BCAN: variants seen among roughly 807,000 people sequenced by gnomAD.
BCAN encodes the protein brevican, also known as brevican core protein.
Under a neutral mutation model 92.4 loss-of-function variants are expected in BCAN, and 51 were observed. That is an observed-to-expected ratio of 0.55 (90% CI 0.44 to 0.70). BCAN has a LOEUF of 0.70. Among genes scored for constraint, BCAN ranks in the 30% least tolerant of loss-of-function variants. The pLI, the probability that BCAN is intolerant of heterozygous loss-of-function variation, is 0.00. For synonymous variants in BCAN, 501 were observed against 505.2 expected (o/e 0.99, Z 0.11); for missense variants, 1,140 against 1,212.1 (o/e 0.94, Z 0.88).
chr1:156,650,990 C>T (rs1679142558), intron 6 of BCAN, among the ~76,000 whole-genome samples: 1 of 152,126 alleles, frequency 6.6e-6, no homozygotes, highest in Non-Finnish European at 1.5e-5. Context: ...CACCTTGCCC[C>T]AAGCCCAAGA....
chr1:156,656,839 C>A (rs1454320126), intron 9 of BCAN, 99 bp from the exon 10 acceptor site: 1 of 1,505,258 alleles, frequency 6.6e-7, no homozygotes, highest in Admixed American at 2.0e-5. Context: ...TTAGTCCCGC[C>A]CCTCTCGGCC....
At position 156,647,530 on chromosome 1, in the gene BCAN, G is replaced by A; in HGVS notation, c.489G>A (p.Glu163=). 6.3e-7 allele frequency: 1 copy of A among 1,583,500 alleles called. No individual in the cohort carries two copies. The highest frequency in any genetic ancestry group is 8.6e-7 in the Non-Finnish European group (1 of 1,167,240). The change falls in exon 4 of 14, where the codon GAG becomes GAA. Residue 163 remains glutamate, a synonymous_variant. Transcript: ENST00000329117. This position sits in a 1 kb window ranked among gnomAD's most constrained non-coding sequence, Gnocchi z 4.8. ...CAGGGGTCGTCTTTCTCTACCGAGA[G>A]GGCTCTGCCCGCTATGCTTTCTCCT... ...KVKGVVFLYR[E]GSARYAFSFS...
chr1:156,657,867 T>C, intron 11 of BCAN, 110 bp downstream of exon 11: 1 of 954,434 alleles, frequency 1.0e-6, no homozygotes. Context: ...CCGGCCTCCT[T>C]CCCTTTCTCG....
At chr1:156,650,566 C>A (rs1357109902) in intron 6 of BCAN, among the ~76,000 whole-genome samples, 3 of 152,220 alleles carry the variant, frequency 2.0e-5, no homozygotes, top group Admixed American at 1.3e-4. Flanking sequence ...ACTTGCCCCA[C>A]CACTGAGATC....
At chr1:156,656,797 A>G in intron 9 of BCAN, 141 bp from the exon 10 acceptor site, 3 of 1,170,444 alleles carry the variant, frequency 2.6e-6, no homozygotes, top group Non-Finnish European at 3.6e-6. Flanking sequence ...CTCATTCTCT[A>G]CTAGCTCTTT....
Position 156,646,946 on chromosome 1 carries a change from G to T in BCAN, c.237G>T (p.Trp79Cys). The T allele has an allele frequency of 6.2e-7, 1 of 1,612,820 alleles. No individual in the cohort carries two copies. Among genetic ancestry groups the T allele is most frequent in the Non-Finnish European group, 8.5e-7 (1 of 1,179,618 alleles). ...RAVLGSPRVK[W>C]TFLSRGREAE... Reference sequence around the variant, plus strand: ...TGCTGGGCTCTCCGCGGGTCAAGTGGACTTTCCTGTCCCGGGGCCGGGAGG... The same window carrying T: ...TGCTGGGCTCTCCGCGGGTCAAGTGTACTTTCCTGTCCCGGGGCCGGGAGG... The change falls in exon 3 of 14, where the codon TGG becomes TGT. Residue 79 changes from tryptophan (W) to cysteine (C), a missense_variant. This residue lies in a region of BCAN where 286 missense variants were observed against 284.1 expected (regional missense o/e 1.01). Coordinates refer to ENST00000329117, the MANE Select transcript of BCAN (RefSeq NM_021948.5).
At chr1:156,656,183 G>T (rs1045247160) in intron 8 of BCAN, 99 bp from the exon 9 acceptor site, 1 of 748,110 alleles carries the variant, frequency 1.3e-6, no homozygotes. Context: ...AGGACAGAGA[G>T]ACCAGGGCTG....
At chr1:156,654,342 C>T (rs2102569064) in intron 8 of BCAN, among the ~76,000 whole-genome samples, 2 of 152,290 alleles carry the variant, frequency 1.3e-5, no homozygotes, top group South Asian at 4.1e-4. Flanking sequence ...TGTTAGGTCC[C>T]TGCACAACTG....
Position 156,646,834 on chromosome 1 carries a change from A to G in BCAN, c.125A>G (p.Asp42Gly). The change falls in exon 3 of 14, where the codon GAC becomes GGC. Residue 42 changes from aspartate to glycine, a missense_variant. By Grantham distance (94) the Asp-to-Gly change is moderately conservative (BLOSUM62 -1). Around this residue, in one of 3 missense-constraint regions of BCAN, gnomAD observed 286 missense variants for 284.1 expected, o/e 1.01. Coordinates refer to ENST00000329117, the MANE Select transcript of BCAN (RefSeq NM_021948.5). The part of the protein sequence containing the change: ...DRAFRVRIAG[D>G]APLQGVLGGA... ...GCTTTTCGCGTGCGCATCGCGGGCG[A>G]CGCGCCACTGCAGGGCGTGCTCGGC... The G allele has an allele frequency of 1.3e-6, 2 of 1,582,336 alleles. No individual in the cohort carries two copies. The highest frequency in any genetic ancestry group is 1.7e-6 in the Non-Finnish European group (2 of 1,165,702).
At chr1:156,651,376 G>A in intron 6 of BCAN, 80 bp from the exon 7 acceptor site, 1 of 1,283,074 alleles carries the variant, frequency 7.8e-7, no homozygotes. Flanking sequence ...AGAATTGAGA[G>A]AATTCCATGG....
Position 156,643,764 on chromosome 1 carries a change from T to C in BCAN, c.-9+1489T>C, listed in dbSNP as rs572588256. The stretch of plus-strand genomic sequence containing the variant: ...ATGATGTGACAAGAGGAAAGTTTCC[T>C]GAACAGCTCAAGAAATTCAAAACAA... On this transcript the variant is annotated intron_variant, in intron 1 of 13. Coordinates refer to ENST00000329117, the MANE Select transcript of BCAN (RefSeq NM_021948.5). The C allele has an allele frequency of 5.3e-5, 8 of 152,248 alleles. No homozygotes were observed. The East Asian group carries it at 1.5e-3, about 29-fold the overall frequency. The allele number at this position is 152,248 out of a possible 1,614,324, so 9.4% of individuals were successfully genotyped here.
Position 156,658,291 on chromosome 1 carries a change from G to C in BCAN, c.2437+20G>C, listed in dbSNP as rs1679407717. 6.2e-7 allele frequency: 1 copy of C among 1,612,012 alleles called. No individual in the cohort carries two copies. The highest frequency in any genetic ancestry group is 2.2e-5 in the East Asian group (1 of 44,868). ...GGCTGGGTGAGGGCAGGCAAAGGAG[G>C]GTCCCAGCAAGGAAGTGGAGGGGTG... is the stretch of plus-strand genomic sequence containing the variant. On this transcript the variant is annotated intron_variant, in intron 12 of 13. Transcript: ENST00000329117. The surrounding 1 kb of genome is among the most constrained non-coding windows in gnomAD (Gnocchi z 4.4).
At chr1:156,651,712 A>T in intron 7 of BCAN, 23 bp downstream of exon 7, 4 of 1,571,802 alleles carry the variant, frequency 2.5e-6, no homozygotes, top group Non-Finnish European at 2.6e-6. Flanking sequence ...CCTTATCCTA[A>T]GGATGTCTTG....
intron 8 of BCAN, among the ~76,000 whole-genome samples, chr1:156,654,697 G>A (rs1679279417): frequency 1.3e-5 from 2 of 152,192 alleles, no homozygotes; most frequent in Admixed American, 6.5e-5. Context: ...GGGTTGAATG[G>A]GAAGGAGCAG....
rs1453627893 is a variant in BCAN, at chr1:156,658,529, G to T, written c.2438-14G>T. On this transcript the variant is annotated splice_polypyrimidine_tract_variant and intron_variant, in intron 12 of 13. Transcript: ENST00000329117. This position sits in a 1 kb window ranked among gnomAD's most constrained non-coding sequence, Gnocchi z 4.4. The stretch of plus-strand genomic sequence containing the variant: ...ACAGAGCCAGGCTCAGTTCCTAACT[G>T]TCTTCCTTTGCAGTGTCCTGTGGGC... The T allele has an allele frequency of 1.9e-6, 3 of 1,608,274 alleles. No individual in the cohort carries two copies. The South Asian group carries it at 3.3e-5, about 18-fold the overall frequency.
In BCAN at chr1:156,659,099, T is replaced by C; in HGVS notation, c.2701T>C (p.Leu901=). 1 of 1,592,214 alleles carries C rather than the reference T, an allele frequency of 6.3e-7. No individual in the cohort carries two copies. The highest frequency in any genetic ancestry group is 8.5e-7 in the Non-Finnish European group (1 of 1,171,004). Residue 901 remains leucine (L), a synonymous_variant, in exon 14 of 14, where the codon TTG becomes CTG. Coordinates refer to ENST00000329117, the MANE Select transcript of BCAN (RefSeq NM_021948.5). ...GRLLGRWKAL[L]IPPSSPMPGP ...GCTACTGGGACGCTGGAAGGCGCTG[T>C]TGATCCCCCCTTCCAGCCCCATGCC...
In BCAN at chr1:156,648,833, C is replaced by G. The variant is rs1301089008; in HGVS notation, c.1035C>G (p.His345Gln). ...FPNQTGFPNK[H>Q]SRFNVYCFRD... ...ACCAGACTGGCTTCCCCAATAAGCA[C>G]AGCCGCTTCAACGTCTACTGCTTCC... The change falls in exon 6 of 14, where the codon CAC (histidine) becomes CAG (glutamine). Residue 345 changes from histidine (H) to glutamine (Q), a missense_variant. His to Gln is a conservative substitution (Grantham distance 24). Coordinates refer to ENST00000329117, the MANE Select transcript of BCAN (RefSeq NM_021948.5). 1 of 1,577,856 alleles carries G rather than the reference C, an allele frequency of 6.3e-7. No individual in the cohort carries two copies. The highest frequency in any genetic ancestry group is 1.3e-5 in the African/African-American group (1 of 74,378).
intron 8 of BCAN, 27 bp from the exon 9 acceptor site, chr1:156,656,255 C>T (rs769572226): frequency 6.9e-6 from 10 of 1,439,164 alleles, no homozygotes; most frequent in Non-Finnish European, 9.1e-6. Context: ...CCTCGCTCCC[C>T]CCGCCTCACT....
At chr1:156,651,823 G>C in intron 7 of BCAN, 134 bp downstream of exon 7, 1 of 809,170 alleles carries the variant, frequency 1.2e-6, no homozygotes, top group Non-Finnish European at 1.9e-6. Context: ...CAGGGGTGCA[G>C]GGCACCTTTC....
Sources: gnomAD v4.1 joint callset for allele counts (sites outside exome capture counted in the v4.1 genomes callset) on GRCh38, gnomAD v4.1.1 for gene constraint, gnomAD v4.1.1 regional missense constraint, Gnocchi (gnomAD v3.1) non-coding constraint, MANE v1.5 for transcripts, NCBI Gene and HGNC (gene_info 2026-07-23, HGNC 2026-07-21) for gene names.